Variants in DOK5 observed in about 807,000 individuals in gnomAD.
DOK5 encodes downstream of tyrosine kinase 5.
A neutral mutation model predicts 43.3 loss-of-function variants in DOK5; 27 were observed. The ratio of observed to expected loss-of-function variants is 0.62; its 90% confidence interval spans 0.46 to 0.86. The LOEUF is 0.86. DOK5 is among the 40% of genes least tolerant of loss of function. The probability of loss-of-function intolerance (pLI) is 0.00; values close to 1 mark genes in which losing one functional copy is unlikely to be tolerated. For missense variants in DOK5, 373 were observed against 392.9 expected, an observed-to-expected ratio of 0.95 and a Z score of 0.43; for synonymous variants, 146 against 140.1, an observed-to-expected ratio of 1.04 and a Z score of -0.30.
intron 6 of DOK5, among the ~76,000 whole-genome samples, chr20:54,633,482 T>G (rs569486333): frequency 2.6e-5 from 4 of 152,210 alleles, no homozygotes; most frequent in South Asian, 2.1e-4. Context: ...TGTTTTGTGC[T>G]TGAAATATTG....
intron 6 of DOK5, among the ~76,000 whole-genome samples, chr20:54,622,975 C>T (rs1229909406): frequency 6.6e-6 from 1 of 152,084 alleles, no homozygotes; most frequent in African/African-American, 2.4e-5. Context: ...GTACAGGACC[C>T]TTCTAAGCAC....
At chr20:54,636,801 A>G (rs1000531308) in intron 6 of DOK5, among the ~76,000 whole-genome samples, 5 of 152,240 alleles carry the variant, frequency 3.3e-5, no homozygotes, top group Non-Finnish European at 5.9e-5. Context: ...ATGGGCAGGA[A>G]TAACTCATTA....
At chr20:54,636,853 G>A (rs1978846714) in intron 6 of DOK5, among the ~76,000 whole-genome samples, 1 of 152,136 alleles carries the variant, frequency 6.6e-6, no homozygotes, top group Admixed American at 6.5e-5. Flanking sequence ...CAGCCCCTTT[G>A]AAAGGTTTCG....
rs777057243 is a variant in DOK5 at position 54,591,659 on chromosome 20, A to G, written c.453A>G (p.Val151=). ...TGATGCCATCTCCTAACTTAGATGT[A>G]CATGGCGAATGTGCCTTGCAGATTA... The part of the protein sequence containing the change: ...VYLMPSPNLD[V]HGECALQITY... Residue 151 remains valine, a synonymous_variant, in exon 5 of 8, where the codon GTA becomes GTG. Transcript: ENST00000262593. The G allele has an allele frequency of 6.2e-7, 1 of 1,613,448 alleles. No homozygotes were observed. Among genetic ancestry groups the G allele is most frequent in the South Asian group, 1.1e-5 (1 of 90,916 alleles).
chr20:54,643,775 G>C (rs923382589), intron 7 of DOK5, among the ~76,000 whole-genome samples, 197 bp downstream of exon 7: 4 of 152,190 alleles, frequency 2.6e-5, no homozygotes, highest in Non-Finnish European at 5.9e-5. Flanking sequence ...AGAGATATTT[G>C]TATCTATCAC....
chr20:54,523,097 G>T (rs1010787625), intron 1 of DOK5, among the ~76,000 whole-genome samples: 40 of 152,234 alleles, frequency 2.6e-4, no homozygotes, highest in Admixed American at 2.6e-3. Context: ...AAAGAGAAAG[G>T]CTTGTATTTC....
intron 1 of DOK5, among the ~76,000 whole-genome samples, chr20:54,488,840 T>C (rs895271651): frequency 1.8e-4 from 27 of 146,264 alleles, no homozygotes; most frequent in African/African-American, 6.6e-4. Context: ...AATATGTGCA[T>C]GAAGTAGGTG....
At chr20:54,565,174 A>G (rs1985051963) in intron 2 of DOK5, among the ~76,000 whole-genome samples, 1 of 152,192 alleles carries the variant, frequency 6.6e-6, no homozygotes, top group African/African-American at 2.4e-5. Context: ...AACTGTGTAT[A>G]CCTCTCAACC....
At chr20:54,644,827 C>T (rs1483155343) in intron 7 of DOK5, among the ~76,000 whole-genome samples, 1 of 151,032 alleles carries the variant, frequency 6.6e-6, no homozygotes, top group East Asian at 2.0e-4. Flanking sequence ...AGAATTGCAC[C>T]ATTGCACTCC....
chr20:54,510,893 G>A lies in DOK5; in HGVS notation c.66+34881G>A, dbSNP rs567095601. 3.9e-5 allele frequency among the ~76,000 whole-genome samples: 6 copies of A among 152,288 alleles called. No individual in the cohort carries two copies. The East Asian group carries it at 7.7e-4, about 20-fold the overall frequency. On this transcript the variant is annotated intron_variant, in intron 1 of 7. Transcript: ENST00000262593. ...TGGGAATGAGCCAGAGGGCTCCGCA[G>A]GGCTGGTTTGATCAACACTGTCCGT... is the stretch of plus-strand genomic sequence containing the variant.
intron 5 of DOK5, among the ~76,000 whole-genome samples, chr20:54,600,469 A>G (rs905996342): frequency 1.3e-5 from 2 of 152,138 alleles, no homozygotes; most frequent in African/African-American, 2.4e-5. Context: ...ACACACAGTT[A>G]TGGTTTATCA....
rs181526006 is a variant in DOK5, at chr20:54,627,101, T to C, written c.736-16357T>C. On this transcript the variant is annotated intron_variant, in intron 6 of 7. Coordinates refer to ENST00000262593, the MANE Select transcript of DOK5 (RefSeq NM_018431.5). ...ATTTCAGAGTCTTGATGTAACATAA[T>C]TTATTAAACGTACGTATAAGAATAT... 2.0e-5 allele frequency among the ~76,000 whole-genome samples: 3 copies of C among 152,324 alleles called. No individual in the cohort carries two copies. In the East Asian group the frequency reaches 5.8e-4, roughly 29 times the overall value.
At chr20:54,568,033 C>T (rs1460109611) in intron 2 of DOK5, among the ~76,000 whole-genome samples, 1 of 152,008 alleles carries the variant, frequency 6.6e-6, no homozygotes, top group South Asian at 2.1e-4. Context: ...TCTCTCCTAC[C>T]CCACAATTAT....
At chr20:54,505,708 G>C (rs545193133) in intron 1 of DOK5, among the ~76,000 whole-genome samples, 14 of 152,144 alleles carry the variant, frequency 9.2e-5, no homozygotes, top group Non-Finnish European at 1.0e-4. Context: ...AGGGTCATTA[G>C]GGAACCTTCA....
At chr20:54,568,549 C>G (rs945425091) in intron 2 of DOK5, among the ~76,000 whole-genome samples, 1 of 152,102 alleles carries the variant, frequency 6.6e-6, no homozygotes, top group African/African-American at 2.4e-5. Context: ...ATCTACTAAT[C>G]GGTTTACATT....
At chr20:54,620,057 T>A (rs937510176) in intron 6 of DOK5, among the ~76,000 whole-genome samples, 8 of 152,324 alleles carry the variant, frequency 5.3e-5, no homozygotes, top group East Asian at 1.9e-4. Flanking sequence ...ATGGATTTTT[T>A]AAAATGTGCT....
At chr20:54,589,056 G>T (rs1314774909) in intron 4 of DOK5, among the ~76,000 whole-genome samples, 1 of 152,108 alleles carries the variant, frequency 6.6e-6, no homozygotes, top group Non-Finnish European at 1.5e-5. Flanking sequence ...CCTGCTATGT[G>T]CCAGTTTGGT....
At chr20:54,479,677 G>A (rs1436614041) in intron 1 of DOK5, among the ~76,000 whole-genome samples, 1 of 152,022 alleles carries the variant, frequency 6.6e-6, no homozygotes, top group Non-Finnish European at 1.5e-5. Flanking sequence ...TGACATTTCT[G>A]TGCTCTTGTC....
chr20:54,564,363 G>A (rs551900985), intron 2 of DOK5, among the ~76,000 whole-genome samples: 3 of 152,160 alleles, frequency 2.0e-5, no homozygotes, highest in Non-Finnish European at 4.4e-5. Flanking sequence ...CCTGGGACGC[G>A]GAGCTTGCAG....
Sources: gnomAD v4.1 joint callset for allele counts (sites outside exome capture counted in the v4.1 genomes callset) on GRCh38, gnomAD v4.1.1 for gene constraint, MANE v1.5 for transcripts, NCBI Gene and HGNC (gene_info 2026-07-23, HGNC 2026-07-21) for gene names.